The following PDE8A variants were observed in gnomAD, a reference collection of about 807,000 sequenced individuals.
PDE8A encodes the protein high affinity cAMP-specific and IBMX-insensitive 3',5'-cyclic phosphodiesterase 8A.
PDE8A carries 59 observed loss-of-function variants against 105.0 expected under a neutral mutation model. The ratio of observed to expected loss-of-function variants is 0.56; its 90% CI spans 0.46 to 0.70. PDE8A has a LOEUF of 0.70. Among genes scored for constraint, PDE8A ranks in the 30% least tolerant of loss-of-function variants. The probability of loss-of-function intolerance (pLI) is 0.00; values close to 1 mark genes in which losing one functional copy is unlikely to be tolerated. For synonymous variants in PDE8A, 355 were observed against 371.9 expected, an observed-to-expected ratio of 0.95 and a Z score of 0.52; for missense variants, 1,014 against 1,045.9, an observed-to-expected ratio of 0.97 and a Z score of 0.42.
chr15:85,029,456 T>C (rs1186989240), intron 1 of PDE8A, among the ~76,000 whole-genome samples: 1 of 150,088 alleles, frequency 6.7e-6, no homozygotes, highest in Non-Finnish European at 1.5e-5. Flanking sequence ...ACTTGGAGCA[T>C]CAGTCACAAA....
intron 1 of PDE8A, among the ~76,000 whole-genome samples, chr15:84,984,260 A>C (rs1333557260): frequency 6.6e-6 from 1 of 152,210 alleles, no homozygotes; most frequent in Non-Finnish European, 1.5e-5. Context: ...GTACATGTTG[A>C]TATCTCATTT....
chr15:85,106,960 C>T (rs573631785), intron 11 of PDE8A, among the ~76,000 whole-genome samples: 1 of 152,234 alleles, frequency 6.6e-6, no homozygotes, highest in South Asian at 2.1e-4. Context: ...CTTCTTCCAG[C>T]AGATGGTAGG....
chr15:85,048,943 A>T (rs1422251283), intron 1 of PDE8A, among the ~76,000 whole-genome samples: 4 of 152,178 alleles, frequency 2.6e-5, no homozygotes, highest in African/African-American at 9.7e-5. Flanking sequence ...TCTACTAAAA[A>T]TAACAAAAAT....
rs2079723846 is a variant in PDE8A at position 84,982,224 on chromosome 15, C to T, written c.62C>T (p.Pro21Leu). The change falls in exon 1 of 22, where the codon CCC (proline) becomes CTC (leucine). Residue 21 changes from proline (P) to leucine (L), a missense_variant. Pro to Leu is a moderately conservative substitution (Grantham distance 98). Coordinates refer to ENST00000394553, the MANE Select transcript of PDE8A (RefSeq NM_002605.3). ...CTGGTGGCCGAGGACGCGCCTAGCC[C>T]CGCGGCACCGCCGCTGTCGTCCGGC... ...ERLVAEDAPS[P>L]AAPPLSSGGP... 6.8e-7 allele frequency: 1 copy of T among 1,479,668 alleles called. No homozygotes were observed. The highest frequency in any genetic ancestry group is 8.9e-7 in the Non-Finnish European group (1 of 1,123,484). The allele number at this position is 1,479,668 out of a possible 1,614,324, so 91.7% of individuals were successfully genotyped here.
chr15:85,132,858 G>A (rs972318550), intron 20 of PDE8A, among the ~76,000 whole-genome samples: 7 of 130,678 alleles, frequency 5.4e-5, no homozygotes, highest in Non-Finnish European at 1.1e-4. Context: ...GTGTGTGTGT[G>A]TGTTTTTAGG....
chr15:85,000,257 T>C lies in PDE8A; in HGVS notation c.186+17909T>C, dbSNP rs377176133. On this transcript the variant is annotated intron_variant, in intron 1 of 21. Transcript: ENST00000394553. Reference sequence around the variant, plus strand: ...AACCAGAATTTTGTTTTCTCACCAGTGGGTCACTGGAGAAGGAAGCTGTGT... The same window carrying C: ...AACCAGAATTTTGTTTTCTCACCAGCGGGTCACTGGAGAAGGAAGCTGTGT... 4.6e-5 allele frequency among the ~76,000 whole-genome samples: 7 copies of C among 152,224 alleles called. No individual in the cohort carries two copies. The East Asian group carries it at 9.6e-4, about 21-fold the overall frequency.
chr15:84,981,383 ACGGAGC>A (rs574568277), upstream of PDE8A, among the ~76,000 whole-genome samples: 135 of 152,176 alleles, frequency 8.9e-4, no homozygotes, highest in African/African-American at 3.0e-3. Context: ...GGCCCGGATC[ACGGAGC>A]CGGAGCCGGA....
intron 19 of PDE8A, among the ~76,000 whole-genome samples, chr15:85,125,006 A>G (rs2082238266): frequency 6.6e-6 from 1 of 152,210 alleles, no homozygotes; most frequent in African/African-American, 2.4e-5. Context: ...ATGAAAGAGA[A>G]TAGTTTCCAG....
At chr15:85,003,486 G>A (rs535467746) in intron 1 of PDE8A, among the ~76,000 whole-genome samples, 1 of 152,278 alleles carries the variant, frequency 6.6e-6, no homozygotes, top group African/African-American at 2.4e-5. Context: ...GTTGCAATGA[G>A]GGGGAGCGCC....
chr15:84,986,343 C>T (rs1377623060), intron 1 of PDE8A, among the ~76,000 whole-genome samples: 1 of 152,194 alleles, frequency 6.6e-6, no homozygotes, highest in Admixed American at 6.5e-5. Flanking sequence ...CACTTAAAAT[C>T]TCAGACATTC....
chr15:85,092,735 A>G (rs553323271), intron 8 of PDE8A, among the ~76,000 whole-genome samples: 38 of 152,246 alleles, frequency 2.5e-4, no homozygotes, highest in African/African-American at 8.2e-4. Context: ...GGGATGTGCT[A>G]TAAGTGCTGG....
At chr15:85,001,362 TC>T (rs2080064802) in intron 1 of PDE8A, among the ~76,000 whole-genome samples, 1 of 152,142 alleles carries the variant, frequency 6.6e-6, no homozygotes, top group Non-Finnish European at 1.5e-5. Context: ...TTTGCAATAT[TC>T]CATTACAAAA....
At chr15:85,105,662 A>G (rs750279483) in intron 11 of PDE8A, among the ~76,000 whole-genome samples, 4 of 152,104 alleles carry the variant, frequency 2.6e-5, no homozygotes, top group South Asian at 2.1e-4. Context: ...TATGGACCCT[A>G]TTTTACAGAA....
chr15:85,107,706 A>G (rs2081966839), intron 11 of PDE8A, among the ~76,000 whole-genome samples: 1 of 152,198 alleles, frequency 6.6e-6, no homozygotes, highest in Non-Finnish European at 1.5e-5. Flanking sequence ...ATGGTGGATA[A>G]TGAATTCATT....
chr15:85,008,751 C>T (rs1236834808), intron 1 of PDE8A, among the ~76,000 whole-genome samples: 1 of 152,140 alleles, frequency 6.6e-6, no homozygotes, highest in African/African-American at 2.4e-5. Flanking sequence ...TCCTCCATTA[C>T]CACCTTCATC....
At chr15:85,124,491 G>A (rs1300710021) in intron 19 of PDE8A, among the ~76,000 whole-genome samples, 2 of 152,178 alleles carry the variant, frequency 1.3e-5, no homozygotes, top group Admixed American at 6.5e-5. Flanking sequence ...ACACAGGGAT[G>A]ACTTATCCTC....
At chr15:84,992,830 A>G (rs1030346589) in intron 1 of PDE8A, among the ~76,000 whole-genome samples, 1 of 152,142 alleles carries the variant, frequency 6.6e-6, no homozygotes, top group Non-Finnish European at 1.5e-5. Flanking sequence ...TGGTTTACCA[A>G]ATGCTATTTT....
intron 5 of PDE8A, among the ~76,000 whole-genome samples, chr15:85,077,671 G>T (rs76422479): frequency 6.6e-6 from 1 of 152,114 alleles, no homozygotes; most frequent in African/African-American, 2.4e-5. Flanking sequence ...AGGGAAAAAA[G>T]CCTAGTAACA....
chr15:85,008,253 A>G (rs912511938), intron 1 of PDE8A, among the ~76,000 whole-genome samples: 1 of 152,112 alleles, frequency 6.6e-6, no homozygotes, highest in Non-Finnish European at 1.5e-5. Context: ...TCAGTGGCTC[A>G]GGGAGGGATC....
Sources: allele counts gnomAD v4.1 joint callset (sites outside exome capture counted in the v4.1 genomes callset), GRCh38; gene constraint gnomAD v4.1.1; transcripts MANE v1.5; gene names NCBI Gene and HGNC (gene_info 2026-07-23, HGNC 2026-07-21).